Variants in PPP1R9A observed in about 807,000 individuals in gnomAD.
PPP1R9A encodes protein phosphatase 1 regulatory subunit 9A.
Under a neutral mutation model 141.9 loss-of-function variants are expected in PPP1R9A, and 59 were observed. The observed-to-expected ratio is 0.42, with a 90% CI of 0.34 to 0.52. The LOEUF (loss-of-function observed/expected upper bound fraction) is 0.52, where lower values mean the gene tolerates loss of function less well. Among genes scored for constraint, PPP1R9A ranks in the 20% least tolerant of loss-of-function variants. The pLI is 0.10. For missense variants in PPP1R9A, 1,444 were observed against 1,611.9 expected, an observed-to-expected ratio of 0.90 and a Z score of 1.78; for synonymous variants, 500 against 569.7, an observed-to-expected ratio of 0.88 and a Z score of 1.74.
intron 2 of PPP1R9A, among the ~76,000 whole-genome samples, chr7:94,927,894 G>T (rs890976029): frequency 1.1e-4 from 17 of 152,136 alleles, no homozygotes; most frequent in African/African-American, 3.9e-4. Context: ...CAATGTCTAG[G>T]GTGACCATTG....
chr7:94,917,516 C>T (rs1792233990), intron 2 of PPP1R9A, among the ~76,000 whole-genome samples: 1 of 152,062 alleles, frequency 6.6e-6, no homozygotes, highest in Non-Finnish European at 1.5e-5. Flanking sequence ...AAGTAATTCT[C>T]CTGCCTCAGC....
Position 95,284,083 on chromosome 7 carries a change from G to A in PPP1R9A, c.3362G>A (p.Arg1121His), listed in dbSNP as rs764328640. Residue 1121 changes from arginine to histidine, a missense_variant, in exon 17 of 20, where the codon CGT becomes CAT. Physicochemically the swap from Arg to His is conservative, Grantham distance 29. Coordinates refer to ENST00000433360, the MANE Select transcript of PPP1R9A (RefSeq NM_001166160.2). ...TGTTCAACAGCTCAGACCTCCACTC[G>A]TTCCCCTTGCATGCCTTTCTCATGG... ...KPCSTAQTST[R>H]SPCMPFSWFN... 32 of 1,596,980 alleles carry A rather than the reference G, an allele frequency of 2.0e-5. No individual in the cohort carries two copies. Among genetic ancestry groups the A allele is most frequent in the Admixed American group, 1.0e-4 (6 of 59,934 alleles).
chr7:95,191,638 T>G (rs1835519047), intron 5 of PPP1R9A, among the ~76,000 whole-genome samples: 1 of 152,120 alleles, frequency 6.6e-6, no homozygotes, highest in Non-Finnish European at 1.5e-5. Context: ...AACATAAACC[T>G]TAATTGTAGA....
intron 2 of PPP1R9A, among the ~76,000 whole-genome samples, chr7:95,106,436 C>G (rs1819524558): frequency 6.6e-6 from 1 of 152,124 alleles, no homozygotes; most frequent in Admixed American, 6.5e-5. Context: ...TCTTTATCTG[C>G]AGCATGCTCT....
At chr7:95,052,252 T>G (rs1224813953) in intron 2 of PPP1R9A, among the ~76,000 whole-genome samples, 1 of 152,134 alleles carries the variant, frequency 6.6e-6, no homozygotes, top group African/African-American at 2.4e-5. Context: ...GGAAGATTGT[T>G]TTGCCAAACT....
chr7:95,222,515 A>G (rs1000960237), intron 7 of PPP1R9A, among the ~76,000 whole-genome samples: 2 of 152,006 alleles, frequency 1.3e-5, no homozygotes, highest in Non-Finnish European at 2.9e-5. Context: ...GTGTGGGGCT[A>G]CTAAAAATAT....
chr7:95,288,898 G>T (rs1303476555), intron 19 of PPP1R9A, among the ~76,000 whole-genome samples, 180 bp downstream of exon 19: 1 of 152,120 alleles, frequency 6.6e-6, no homozygotes, highest in Admixed American at 6.5e-5. Context: ...AAGTCCATCA[G>T]GGGTTCCAAA....
intron 2 of PPP1R9A, among the ~76,000 whole-genome samples, chr7:95,051,849 T>C (rs888364428): frequency 1.3e-5 from 2 of 150,654 alleles, no homozygotes; most frequent in Non-Finnish European, 3.0e-5. Context: ...TTTAATTTTT[T>C]TTTTTTTTTT....
chr7:94,973,723 T>C (rs1799122973), intron 2 of PPP1R9A, among the ~76,000 whole-genome samples: 1 of 146,546 alleles, frequency 6.8e-6, no homozygotes, highest in Admixed American at 6.8e-5. Flanking sequence ...CTTTCTTTCT[T>C]TTTTTTTTTT....
intron 3 of PPP1R9A, among the ~76,000 whole-genome samples, chr7:95,116,260 A>T (rs935963850): frequency 6.6e-6 from 1 of 152,202 alleles, no homozygotes; most frequent in Non-Finnish European, 1.5e-5. Context: ...TTTAAATGAA[A>T]TGACCAGTAT....
intron 2 of PPP1R9A, among the ~76,000 whole-genome samples, chr7:95,090,408 G>A (rs1371474117): frequency 6.6e-6 from 1 of 151,970 alleles, no homozygotes; most frequent in Non-Finnish European, 1.5e-5. Flanking sequence ...CTTTTATAGT[G>A]TATGGAAAGA....
chr7:95,094,115 G>A (rs1373298050), intron 2 of PPP1R9A, among the ~76,000 whole-genome samples: 1 of 152,130 alleles, frequency 6.6e-6, no homozygotes, highest in Non-Finnish European at 1.5e-5. Flanking sequence ...AGAAAGCTTA[G>A]CAAACATATA....
At chr7:95,133,673 G>T (rs1190929016) in intron 4 of PPP1R9A, among the ~76,000 whole-genome samples, 1 of 151,754 alleles carries the variant, frequency 6.6e-6, no homozygotes, top group Non-Finnish European at 1.5e-5. Context: ...ATGTCCAGGT[G>T]CATTACATTT....
intron 2 of PPP1R9A, among the ~76,000 whole-genome samples, chr7:95,108,076 G>A (rs1016866402): frequency 2.6e-5 from 4 of 151,660 alleles, no homozygotes; most frequent in Non-Finnish European, 4.4e-5. Flanking sequence ...AAGTTACATC[G>A]CTTTACTGAA....
intron 2 of PPP1R9A, among the ~76,000 whole-genome samples, chr7:95,027,562 C>G (rs1229801260): frequency 1.3e-5 from 2 of 152,194 alleles, no homozygotes; most frequent in African/African-American, 4.8e-5. Context: ...AAAAGAGCTA[C>G]ATTTTTATAG....
chr7:94,930,194 G>A (rs1434129781), intron 2 of PPP1R9A, among the ~76,000 whole-genome samples: 1 of 152,180 alleles, frequency 6.6e-6, no homozygotes, highest in Non-Finnish European at 1.5e-5. Context: ...ATGAGAATAA[G>A]GGGTAAGACA....
At position 95,111,319 on chromosome 7, in the gene PPP1R9A, G is replaced by T. The variant is rs867690549; in HGVS notation, c.1456G>T (p.Ala486Ser). ...DRRNDEVDPV[A>S]ASAEYELEKR... is the part of the protein sequence containing the mutation. ...GAGAAATGACGAAGTTGACCCTGTGGCTGCTTCAGCTGAGTATGAACTTGA... is the reference window on the plus strand; with the variant it reads ...GAGAAATGACGAAGTTGACCCTGTGTCTGCTTCAGCTGAGTATGAACTTGA... Residue 486 changes from alanine (A) to serine (S), a missense_variant, in exon 3 of 20, where the codon GCT (alanine) becomes TCT (serine). Transcript: ENST00000433360. 3.7e-6 allele frequency: 6 copies of T among 1,612,868 alleles called. No individual in the cohort carries two copies. The highest frequency in any genetic ancestry group is 1.6e-4 in the Middle Eastern group (1 of 6,084).
In PPP1R9A at chr7:95,290,159, T is replaced by A; in HGVS notation, c.3981T>A (p.Ser1327=). Residue 1327 remains serine, a synonymous_variant, in exon 20 of 20, where the codon TCT becomes TCA. Coordinates refer to ENST00000433360, the MANE Select transcript of PPP1R9A (RefSeq NM_001166160.2). ...VKKKLKEMKM[S]LEKARKAQEK... is the part of the protein sequence containing the mutation. Reference sequence around the variant, plus strand: ...AGAAACTCAAGGAAATGAAGATGTCTCTAGAGAAGGCTCGGAAGGCCCAAG... The same window carrying A: ...AGAAACTCAAGGAAATGAAGATGTCACTAGAGAAGGCTCGGAAGGCCCAAG... The A allele has an allele frequency of 6.2e-7, 1 of 1,613,950 alleles. No individual in the cohort carries two copies.
intron 2 of PPP1R9A, among the ~76,000 whole-genome samples, chr7:94,944,461 A>G (rs562990229): frequency 3.7e-5 from 1 of 27,044 alleles, no homozygotes; most frequent in East Asian, 1.5e-3. Flanking sequence ...CCACCCCCCG[A>G]TTAAAAAAAA....
Sources: gnomAD v4.1 joint callset for allele counts (sites outside exome capture counted in the v4.1 genomes callset) on GRCh38, gnomAD v4.1.1 for gene constraint, MANE v1.5 for transcripts, NCBI Gene and HGNC (gene_info 2026-07-23, HGNC 2026-07-21) for gene names.